The following FBXO41 variants were observed in gnomAD, a reference collection of about 807,000 sequenced individuals.
FBXO41 encodes the protein F-box protein 41.
Under a neutral mutation model 81.6 loss-of-function variants are expected in FBXO41, and 33 were observed. The observed-to-expected ratio is 0.40, with a 90% CI of 0.31 to 0.54. The LOEUF (loss-of-function observed/expected upper bound fraction) is 0.54, where lower values mean the gene tolerates loss of function less well. Ranked by LOEUF, FBXO41 falls within the 20% of genes least tolerant of loss-of-function variation. The probability of loss-of-function intolerance (pLI) is 0.39; values close to 1 mark genes in which losing one functional copy is unlikely to be tolerated. For missense variants in FBXO41, 1,107 were observed against 1,236.0 expected, an observed-to-expected ratio of 0.90 and a Z score of 1.56; for synonymous variants, 576 against 552.7, an observed-to-expected ratio of 1.04 and a Z score of -0.59.
In FBXO41 at chr2:73,265,334, C is replaced by T. The variant is rs369717169; in HGVS notation, c.1512G>A (p.Ala504=). 2.9e-4 allele frequency: 472 copies of T among 1,611,366 alleles called. No individual in the cohort carries two copies. Among genetic ancestry groups the T allele is most frequent in the Non-Finnish European group, 3.2e-4 (381 of 1,179,686 alleles). ...CAGCCATAGCAGGCCCGGGGCGGGG[C>T]GCATCCAACGGGCCCTCAGCCTCTG... The part of the protein sequence containing the change: ...TESEAEGPLD[A]PRPGPAMAGP... The change falls in exon 5 of 13, where the codon GCG becomes GCA. Residue 504 remains alanine (A), a synonymous_variant. Coordinates refer to ENST00000520530, the MANE Select transcript of FBXO41 (RefSeq NM_001371389.2).
At chr2:73,261,784 T>C (rs1040476389) in intron 9 of FBXO41, among the ~76,000 whole-genome samples, 1 of 152,180 alleles carries the variant, frequency 6.6e-6, no homozygotes, top group Non-Finnish European at 1.5e-5. Flanking sequence ...TCCCTAAACA[T>C]TTCAACCCTC....
rs367737020 is a variant in FBXO41 at position 73,266,522 on chromosome 2, C to T, written c.1066G>A (p.Ala356Thr). The change falls in exon 3 of 13, where the codon GCC becomes ACC. Residue 356 changes from alanine (A) to threonine (T), a missense_variant. Coordinates refer to ENST00000520530, the MANE Select transcript of FBXO41 (RefSeq NM_001371389.2). This position sits in a 1 kb window ranked among gnomAD's most constrained non-coding sequence, Gnocchi z 5.3. ...CCCCCACCTCCACGGCCCAGGCTGGCGCTGGGCGTGCTGCCACAGCTGCTG... is the reference window on the plus strand; with the variant it reads ...CCCCCACCTCCACGGCCCAGGCTGGTGCTGGGCGTGCTGCCACAGCTGCTG... ...ISSSCGSTPSASLGRGGGGGG... is the reference protein window; with the variant it reads ...ISSSCGSTPSTSLGRGGGGGG... The T allele has an allele frequency of 4.2e-5, 68 of 1,602,690 alleles. No individual in the cohort carries two copies. The highest frequency in any genetic ancestry group is 6.8e-5 in the Admixed American group (4 of 58,698).
At position 73,258,169 on chromosome 2, in the gene FBXO41, C is replaced by G. The variant is rs771645211; in HGVS notation, c.*813G>C. On this transcript the variant is annotated 3_prime_UTR_variant, in exon 13 of 13. Transcript: ENST00000520530. ...CTGGGACCTTGACCCTCTGGAGGGT[C>G]CCTCAGGAATGAATGTAGGTATAGA... The G allele has an allele frequency of 1.3e-5, 2 of 152,218 alleles. No individual in the cohort carries two copies. Among genetic ancestry groups the G allele is most frequent in the Non-Finnish European group, 2.9e-5 (2 of 68,106 alleles). The allele number at this position is 152,218 out of a possible 1,614,324, so 9.4% of individuals were successfully genotyped here.
At chr2:73,282,655 A>G (rs561748698) in intron 1 of FBXO41, among the ~76,000 whole-genome samples, 17 of 152,190 alleles carry the variant, frequency 1.1e-4, no homozygotes, top group African/African-American at 1.9e-4. Context: ...GTGAGCCATG[A>G]TCACTCCACC....
intron 1 of FBXO41, among the ~76,000 whole-genome samples, chr2:73,277,430 T>C (rs954299162): frequency 3.3e-5 from 5 of 152,208 alleles, no homozygotes; most frequent in Non-Finnish European, 7.3e-5. Context: ...ATGAGCACCA[T>C]GACAGAACAG....
intron 1 of FBXO41, among the ~76,000 whole-genome samples, chr2:73,278,431 T>G (rs1287985760): frequency 6.6e-6 from 1 of 152,236 alleles, no homozygotes; most frequent in African/African-American, 2.4e-5. Flanking sequence ...TCTCCTAAGC[T>G]CTATTCAAAC....
At chr2:73,267,374 AAT>A (rs1385027719) in intron 2 of FBXO41, among the ~76,000 whole-genome samples, 1 of 152,222 alleles carries the variant, frequency 6.6e-6, no homozygotes, top group Admixed American at 6.5e-5. Context: ...CCCACAGAGG[AAT>A]ACACTCAAAT....
chr2:73,269,848 A>G lies in FBXO41; in HGVS notation c.-138-80T>C, dbSNP rs1475177050. On this transcript the variant is annotated intron_variant, in intron 1 of 12. Transcript: ENST00000520530. This position sits in a 1 kb window ranked among gnomAD's most constrained non-coding sequence, Gnocchi z 7.0. ...TCCCAGCCCGGAGCCCTCATCCCCC[A>G]GCCATGAGGAAATCAGCATTGAGGG... 3 of 205,834 alleles carry G rather than the reference A, an allele frequency of 1.5e-5. No individual in the cohort carries two copies. The highest frequency in any genetic ancestry group is 2.3e-5 in the African/African-American group (1 of 42,644). The allele number at this position is 205,834 out of a possible 1,614,324, so 12.8% of individuals were successfully genotyped here. A position where few individuals can be genotyped will look rare whatever the true frequency, so the allele number is the denominator to read the frequency against.
At position 73,260,345 on chromosome 2, in the gene FBXO41, G is replaced by A; in HGVS notation, c.2449+44C>T. Reference sequence around the variant, plus strand: ...GGATACCTGCTGACAGGGCCCCGTGGCAGGTGATAGTCGTACCCTGCCCCT... The same window carrying A: ...GGATACCTGCTGACAGGGCCCCGTGACAGGTGATAGTCGTACCCTGCCCCT... On this transcript the variant is annotated intron_variant, in intron 11 of 12. Transcript: ENST00000520530. The surrounding 1 kb of genome is among the most constrained non-coding windows in gnomAD (Gnocchi z 5.0). The A allele has an allele frequency of 6.3e-7, 1 of 1,586,592 alleles. No homozygotes were observed.
rs1375789482 is a variant in FBXO41 at position 73,265,467 on chromosome 2, G to A, written c.1379C>T (p.Ser460Leu). The A allele has an allele frequency of 6.2e-7, 1 of 1,604,350 alleles. No individual in the cohort carries two copies. Among genetic ancestry groups the A allele is most frequent in the South Asian group, 1.1e-5 (1 of 90,654 alleles). The change falls in exon 5 of 13, where the codon TCA (serine) becomes TTA (leucine). Residue 460 changes from serine (S) to leucine (L), a missense_variant. Physicochemically the swap from Ser to Leu is moderately radical, Grantham distance 145. Around this residue, in one of 2 missense-constraint regions of FBXO41, gnomAD observed 771 missense variants for 789.2 expected, o/e 0.98. Coordinates refer to ENST00000520530, the MANE Select transcript of FBXO41 (RefSeq NM_001371389.2). Reference sequence around the variant, plus strand: ...CTGGATGGCCTGGCGCCGCAGGCCTGAGCTGCGAGGGGGCTGGGACCGCTC... The same window carrying A: ...CTGGATGGCCTGGCGCCGCAGGCCTAAGCTGCGAGGGGGCTGGGACCGCTC... ...GSERSQPPRS[S>L]GLRRQAIQNW...
intron 1 of FBXO41, among the ~76,000 whole-genome samples, chr2:73,279,735 A>G (rs572010709): frequency 2.0e-5 from 3 of 152,350 alleles, no homozygotes; most frequent in East Asian, 1.9e-4. Flanking sequence ...AAGAAGCTCA[A>G]CTGTGAAGAG....
Position 73,269,548 on chromosome 2 carries a change from T to C in FBXO41, c.83A>G (p.His28Arg). ...RFRSLSSLRA[H>R]LEYSHTYETL... ...CTCGTAGGTGTGGCTGTACTCCAGG[T>C]GCGCGCGCAGCGACGACAGGCTCCG... is the stretch of plus-strand genomic sequence containing the variant. Residue 28 changes from histidine to arginine, a missense_variant, in exon 2 of 13, where the codon CAC becomes CGC. His to Arg is a conservative substitution (Grantham distance 29). Around this residue, in one of 2 missense-constraint regions of FBXO41, gnomAD observed 771 missense variants for 789.2 expected, o/e 0.98. Coordinates refer to ENST00000520530, the MANE Select transcript of FBXO41 (RefSeq NM_001371389.2). This position sits in a 1 kb window ranked among gnomAD's most constrained non-coding sequence, Gnocchi z 7.0. 2 of 1,361,682 alleles carry C rather than the reference T, an allele frequency of 1.5e-6. No individual in the cohort carries two copies. Among genetic ancestry groups the C allele is most frequent in the Non-Finnish European group, 1.9e-6 (2 of 1,047,120 alleles). The allele number at this position is 1,361,682 out of a possible 1,614,324, so 84.3% of individuals were successfully genotyped here. A position where few individuals can be genotyped will look rare whatever the true frequency, so the allele number is the denominator to read the frequency against.
chr2:73,276,100 T>C (rs1268879489), intron 1 of FBXO41, among the ~76,000 whole-genome samples: 3 of 149,648 alleles, frequency 2.0e-5, no homozygotes, highest in Admixed American at 2.0e-4. Flanking sequence ...TTTAACTTTC[T>C]TTTTTTTTAA....
In FBXO41 at chr2:73,266,679, C is replaced by T. The variant is rs752004611; in HGVS notation, c.909G>A (p.Glu303=). The change falls in exon 3 of 13, where the codon GAG becomes GAA. Residue 303 remains glutamate (E), a synonymous_variant. Coordinates refer to ENST00000520530, the MANE Select transcript of FBXO41 (RefSeq NM_001371389.2). This position sits in a 1 kb window ranked among gnomAD's most constrained non-coding sequence, Gnocchi z 5.3. Reference sequence around the variant, plus strand: ...TCAGGAACTGGTCGATCTGCACCACCTCCCTGGGCCCAGAGCAGTCTCTTA... The same window carrying T: ...TCAGGAACTGGTCGATCTGCACCACTTCCCTGGGCCCAGAGCAGTCTCTTA... ...KEQELSRKQQ[E]VVQIDQFLKE... is the part of the protein sequence containing the mutation. 2.5e-6 allele frequency: 4 copies of T among 1,580,724 alleles called. No homozygotes were observed. Among genetic ancestry groups the T allele is most frequent in the African/African-American group, 2.7e-5 (2 of 74,230 alleles).
rs1026766469 is a variant in FBXO41 at position 73,258,094 on chromosome 2, A to C, written c.*888T>G. On this transcript the variant is annotated 3_prime_UTR_variant, in exon 13 of 13. Transcript: ENST00000520530. ...TGCCCAAGCACCTGGATTAGAAGGA[A>C]ATTCCTTAAGGACAGGAACTACTTC... The C allele has an allele frequency of 1.3e-5, 2 of 152,192 alleles. No individual in the cohort carries two copies. The highest frequency in any genetic ancestry group is 2.9e-5 in the Non-Finnish European group (2 of 68,038). 9.4% of individuals were successfully genotyped at this position (152,192 alleles called of 1,614,324 possible).
At chr2:73,268,439 G>A (rs1688360740) in intron 2 of FBXO41, among the ~76,000 whole-genome samples, 1 of 152,134 alleles carries the variant, frequency 6.6e-6, no homozygotes, top group Admixed American at 6.5e-5. Context: ...TCTTTGGCTA[G>A]GCAAAAGAGA....
intron 1 of FBXO41, among the ~76,000 whole-genome samples, chr2:73,271,798 T>C (rs1688512108): frequency 1.3e-5 from 2 of 152,084 alleles, no homozygotes; most frequent in East Asian, 1.9e-4. Context: ...GCCCAGCTAA[T>C]TGTTGTATTT....
chr2:73,272,506 T>A (rs1297041997), intron 1 of FBXO41, among the ~76,000 whole-genome samples: 2 of 152,348 alleles, frequency 1.3e-5, no homozygotes, highest in East Asian at 3.9e-4. Flanking sequence ...CCTTGGGCCC[T>A]GCTGAACCCT....
At chr2:73,277,471 C>G (rs566078903) in intron 1 of FBXO41, among the ~76,000 whole-genome samples, 1 of 152,272 alleles carries the variant, frequency 6.6e-6, no homozygotes, top group South Asian at 2.1e-4. Flanking sequence ...TCTTGTGTCC[C>G]CAAATCAGCA....
Sources: allele counts gnomAD v4.1 joint callset (sites outside exome capture counted in the v4.1 genomes callset), GRCh38; gene constraint gnomAD v4.1.1; regional missense constraint gnomAD v4.1.1; non-coding constraint Gnocchi (gnomAD v3.1); transcripts MANE v1.5; gene names NCBI Gene and HGNC (gene_info 2026-07-23, HGNC 2026-07-21).